WDR7: variants seen among roughly 807,000 people sequenced by gnomAD.
WDR7 encodes the protein WD repeat-containing protein 7.
In WDR7, 46 loss-of-function variants were observed where a neutral mutation model predicts 169.4. That is an observed-to-expected ratio of 0.27 (90% CI 0.21 to 0.35). The LOEUF (loss-of-function observed/expected upper bound fraction) is 0.35, where lower values mean the gene tolerates loss of function less well. Ranked by LOEUF, WDR7 falls within the 10% of genes least tolerant of loss-of-function variation. The probability of loss-of-function intolerance (pLI) is 1.00; values close to 1 mark genes in which losing one functional copy is unlikely to be tolerated. For synonymous variants in WDR7, 612 were observed against 666.8 expected (o/e 0.92, Z 1.27); for missense variants, 1,534 against 1,859.3 (o/e 0.83, Z 3.22).
At chr18:56,876,319 G>A (rs1346129962) in intron 20 of WDR7, among the ~76,000 whole-genome samples, 2 of 152,094 alleles carry the variant, frequency 1.3e-5, no homozygotes, top group Non-Finnish European at 2.9e-5. Flanking sequence ...ATTAGAAAGA[G>A]CAGAAAGCTG....
intron 19 of WDR7, among the ~76,000 whole-genome samples, chr18:56,789,305 T>C (rs937994899): frequency 2.0e-5 from 3 of 152,252 alleles, no homozygotes; most frequent in Admixed American, 6.5e-5. Flanking sequence ...GAAAGTATTC[T>C]TGGATGGATT....
intron 16 of WDR7, among the ~76,000 whole-genome samples, chr18:56,768,655 C>A (rs2044105402): frequency 6.6e-6 from 1 of 152,078 alleles, no homozygotes; most frequent in African/African-American, 2.4e-5. Flanking sequence ...ATTTTTTCAT[C>A]TTTCTACTTT....
chr18:57,009,967 C>T, intron 26 of WDR7: 1 of 985,372 alleles, frequency 1.0e-6, no homozygotes, highest in Non-Finnish European at 1.2e-6. Flanking sequence ...TGCCAAGTCC[C>T]ATCATGACGG....
At chr18:56,751,555 A>G (rs1024231040) in intron 14 of WDR7, among the ~76,000 whole-genome samples, 1 of 152,046 alleles carries the variant, frequency 6.6e-6, no homozygotes, top group Admixed American at 6.6e-5. Context: ...CTTCATACCC[A>G]GTGTCAGGTC....
chr18:56,816,063 A>G lies in WDR7; in HGVS notation c.3223A>G (p.Thr1075Ala). 1 of 1,613,322 alleles carries G rather than the reference A, an allele frequency of 6.2e-7. No individual in the cohort carries two copies. Among genetic ancestry groups the G allele is most frequent in the Non-Finnish European group, 8.5e-7 (1 of 1,179,792 alleles). ...GVTSEAAQTI[T>A]TAPDASGPEA... ...CACATCAGAAGCCGCGCAGACTATC[A>G]CCACGGCTCCTGATGCCTCAGGGCC... The change falls in exon 20 of 28, where the codon ACC (threonine) becomes GCC (alanine). Residue 1075 changes from threonine to alanine, a missense_variant. Coordinates refer to ENST00000254442, the MANE Select transcript of WDR7 (RefSeq NM_015285.3).
intron 20 of WDR7, among the ~76,000 whole-genome samples, chr18:56,823,212 C>A (rs982085399): frequency 2.0e-5 from 3 of 152,142 alleles, no homozygotes; most frequent in Admixed American, 2.0e-4. Context: ...TCCAACCTAG[C>A]CTTCTCTTTT....
intron 1 of WDR7, among the ~76,000 whole-genome samples, chr18:56,656,599 A>G (rs760126348): frequency 7.6e-6 from 1 of 131,780 alleles, no homozygotes; most frequent in Non-Finnish European, 1.6e-5. Flanking sequence ...TTTTTTTTTA[A>G]CTGTTCTGAT....
At chr18:56,718,934 C>T (rs997878557) in intron 13 of WDR7, among the ~76,000 whole-genome samples, 2 of 152,280 alleles carry the variant, frequency 1.3e-5, no homozygotes, top group East Asian at 3.9e-4. Context: ...TTTGTGCATG[C>T]ACTATTGTGC....
chr18:56,707,441 T>TTG (rs1226042656), intron 12 of WDR7, among the ~76,000 whole-genome samples: 5 of 151,464 alleles, frequency 3.3e-5, no homozygotes, highest in African/African-American at 1.2e-4. Context: ...TTTTTTTTTT[T>TTG]GGCATGAGAT....
chr18:57,007,448 TG>T (rs2048077899), intron 26 of WDR7, among the ~76,000 whole-genome samples: 2 of 152,324 alleles, frequency 1.3e-5, no homozygotes, highest in Non-Finnish European at 2.9e-5. Context: ...TGTTTTGAGT[TG>T]GCAAGTATTT....
At chr18:56,703,484 G>C (rs544824677) in intron 12 of WDR7, among the ~76,000 whole-genome samples, 2 of 152,208 alleles carry the variant, frequency 1.3e-5, no homozygotes, top group East Asian at 1.9e-4. Flanking sequence ...AGCAAACTTT[G>C]TGAATACAAA....
chr18:56,892,214 A>G (rs2046273204), intron 21 of WDR7, among the ~76,000 whole-genome samples: 3 of 152,136 alleles, frequency 2.0e-5, no homozygotes, highest in Non-Finnish European at 4.4e-5. Context: ...ATAGACCTCT[A>G]TGAAATTAAT....
At chr18:56,674,540 G>A (rs892983597) in intron 2 of WDR7, among the ~76,000 whole-genome samples, 3 of 151,572 alleles carry the variant, frequency 2.0e-5, no homozygotes, top group East Asian at 1.9e-4. Flanking sequence ...TTATTGAATC[G>A]TAAAAATTCT....
chr18:56,997,154 A>G (rs377728572), intron 26 of WDR7, among the ~76,000 whole-genome samples: 1 of 152,222 alleles, frequency 6.6e-6, no homozygotes, highest in Non-Finnish European at 1.5e-5. Context: ...TGGATAAACA[A>G]TGAATTGTTC....
intron 20 of WDR7, among the ~76,000 whole-genome samples, chr18:56,855,733 G>T (rs1331098263): frequency 1.3e-5 from 2 of 152,048 alleles, no homozygotes; most frequent in Non-Finnish European, 2.9e-5. Context: ...ATCCAGTTGG[G>T]CATGTCATTC....
intron 14 of WDR7, among the ~76,000 whole-genome samples, chr18:56,743,206 A>G (rs2043647107): frequency 6.6e-6 from 1 of 152,034 alleles, no homozygotes; most frequent in Admixed American, 6.6e-5. Flanking sequence ...GATGATGAGG[A>G]GTTGCTTTGT....
chr18:56,941,816 T>A (rs2047038905), intron 25 of WDR7, among the ~76,000 whole-genome samples: 1 of 152,160 alleles, frequency 6.6e-6, no homozygotes, highest in Non-Finnish European at 1.5e-5. Flanking sequence ...ATGTGCCCAT[T>A]AGGTGAACTA....
chr18:56,899,820 C>CT (rs2046376720), intron 21 of WDR7, among the ~76,000 whole-genome samples: 1 of 151,970 alleles, frequency 6.6e-6, no homozygotes, highest in Middle Eastern at 3.4e-3. Context: ...ATCATATAAG[C>CT]TTTAAGAATA....
At chr18:56,690,579 C>A (rs1445464086) in intron 7 of WDR7, among the ~76,000 whole-genome samples, 1 of 152,064 alleles carries the variant, frequency 6.6e-6, no homozygotes, top group Non-Finnish European at 1.5e-5. Flanking sequence ...CTTTAGGAGG[C>A]CAGGGTGGGA....
Sources: gnomAD v4.1 joint callset for allele counts (sites outside exome capture counted in the v4.1 genomes callset) on GRCh38, gnomAD v4.1.1 for gene constraint, MANE v1.5 for transcripts, NCBI Gene and HGNC (gene_info 2026-07-23, HGNC 2026-07-21) for gene names.